Variants in MYRIP observed in about 807,000 individuals in gnomAD.
The protein encoded by MYRIP is myosin VIIA and Rab interacting protein, also known as rab effector MyRIP.
A neutral mutation model predicts 98.0 loss-of-function variants in MYRIP; 49 were observed. That is an observed-to-expected ratio of 0.50 (90% CI 0.40 to 0.63). MYRIP has a LOEUF of 0.63. Ranked by LOEUF, MYRIP falls within the 30% of genes least tolerant of loss-of-function variation. The probability of loss-of-function intolerance (pLI) is 0.00; values close to 1 mark genes in which losing one functional copy is unlikely to be tolerated. For synonymous variants in MYRIP, 404 were observed against 409.5 expected (o/e 0.99, Z 0.16); for missense variants, 1,004 against 1,058.2 (o/e 0.95, Z 0.71).
intron 3 of MYRIP, among the ~76,000 whole-genome samples, chr3:40,102,413 T>C (rs2125893121): frequency 6.6e-6 from 1 of 152,306 alleles, no homozygotes; most frequent in South Asian, 2.1e-4. Context: ...CTCCAGGGTG[T>C]TGAGTCATTT....
intron 1 of MYRIP, among the ~76,000 whole-genome samples, chr3:39,898,145 T>C (rs1041503330): frequency 1.1e-4 from 17 of 152,198 alleles, no homozygotes; most frequent in African/African-American, 3.1e-4. Flanking sequence ...ATGTTACTTC[T>C]AATTGACTTA....
At chr3:40,250,389 AAT>A in intron 14 of MYRIP, 48 bp from the exon 15 acceptor site, 1 of 1,612,702 alleles carries the variant, frequency 6.2e-7, no homozygotes, top group Admixed American at 1.7e-5. Flanking sequence ...TAGAAGACAA[AAT>A]ATCTTTGGCT....
intron 3 of MYRIP, among the ~76,000 whole-genome samples, chr3:40,134,417 C>A (rs936753590): frequency 6.6e-6 from 1 of 152,240 alleles, no homozygotes; most frequent in African/African-American, 2.4e-5. Context: ...CACCACAGCT[C>A]AAAGAGGCCT....
intron 3 of MYRIP, among the ~76,000 whole-genome samples, chr3:40,094,691 C>T (rs1180411147): frequency 6.6e-6 from 1 of 152,136 alleles, no homozygotes; most frequent in Non-Finnish European, 1.5e-5. Context: ...CTATGGATTA[C>T]CAGTGACAGA....
At chr3:40,164,227 A>G (rs929206587) in intron 5 of MYRIP, among the ~76,000 whole-genome samples, 2 of 152,036 alleles carry the variant, frequency 1.3e-5, no homozygotes, top group African/African-American at 2.4e-5. Context: ...CACAGCCCAT[A>G]TCCTGCATAC....
chr3:39,875,181 GGT>G (rs1477243293), intron 1 of MYRIP, among the ~76,000 whole-genome samples: 2 of 152,098 alleles, frequency 1.3e-5, no homozygotes, highest in African/African-American at 4.8e-5. Context: ...TGGGATCAGT[GGT>G]GATAGGCCTT....
At chr3:40,048,834 AGAAT>A (rs1427159547) in intron 3 of MYRIP, among the ~76,000 whole-genome samples, 2 of 152,204 alleles carry the variant, frequency 1.3e-5, no homozygotes, top group African/African-American at 4.8e-5. Context: ...AATGTATTAT[AGAAT>A]GAATGATGAA....
intron 3 of MYRIP, among the ~76,000 whole-genome samples, chr3:40,133,834 C>G (rs1195807357): frequency 6.6e-6 from 1 of 152,228 alleles, no homozygotes; most frequent in Non-Finnish European, 1.5e-5. Context: ...AGACACCCAT[C>G]TATAAGTCAT....
intron 1 of MYRIP, among the ~76,000 whole-genome samples, chr3:39,870,211 C>T (rs1334815112): frequency 6.6e-6 from 1 of 152,182 alleles, no homozygotes; most frequent in Non-Finnish European, 1.5e-5. Context: ...ATCTCTTTAG[C>T]TAATGACGGT....
At chr3:39,945,768 A>T (rs1944887305) in intron 2 of MYRIP, among the ~76,000 whole-genome samples, 1 of 152,136 alleles carries the variant, frequency 6.6e-6, no homozygotes, top group South Asian at 2.1e-4. Context: ...ATTTGTGTTA[A>T]TTTTTAAAAA....
intron 2 of MYRIP, among the ~76,000 whole-genome samples, chr3:39,993,731 C>CT (rs1278725468): frequency 6.6e-6 from 1 of 152,204 alleles, no homozygotes; most frequent in East Asian, 1.9e-4. Context: ...TGTCTTCCCC[C>CT]TTCGAAGCAG....
intron 2 of MYRIP, among the ~76,000 whole-genome samples, chr3:40,011,105 C>T (rs1057367862): frequency 3.9e-5 from 6 of 152,080 alleles, no homozygotes; most frequent in African/African-American, 1.2e-4. Context: ...AACTAGAGCT[C>T]GAACCAGCAT....
At chr3:40,218,634 A>ATTT (rs1158783365) in intron 11 of MYRIP, among the ~76,000 whole-genome samples, 1 of 75,650 alleles carries the variant, frequency 1.3e-5, no homozygotes, top group African/African-American at 4.1e-5. Flanking sequence ...ATATATATAT[A>ATTT]TATATATATA....
chr3:40,085,832 T>C lies in MYRIP; in HGVS notation c.332+41561T>C, dbSNP rs371307844. Among the ~76,000 whole-genome samples, 3 of 152,328 alleles carry C rather than the reference T, an allele frequency of 2.0e-5. No individual in the cohort carries two copies. The East Asian group carries it at 5.8e-4, about 29-fold the overall frequency. On this transcript the variant is annotated intron_variant, in intron 3 of 16. Coordinates refer to ENST00000302541, the MANE Select transcript of MYRIP (RefSeq NM_015460.4). The stretch of plus-strand genomic sequence containing the variant: ...CTCTCCTCATGAGTTTTATAAATCA[T>C]ATTTGGTAACCGAAACAAAAATTAT...
intron 3 of MYRIP, among the ~76,000 whole-genome samples, chr3:40,062,763 T>C (rs1179554751): frequency 2.0e-5 from 3 of 152,234 alleles, no homozygotes; most frequent in Non-Finnish European, 1.5e-5. Context: ...TGACTTGGCC[T>C]TGTGTGAAAA....
At chr3:39,943,156 T>G (rs1262849152) in intron 2 of MYRIP, among the ~76,000 whole-genome samples, 1 of 152,144 alleles carries the variant, frequency 6.6e-6, no homozygotes, top group Non-Finnish European at 1.5e-5. Context: ...TCTACAAATT[T>G]TCTCTTTCTG....
intron 4 of MYRIP, among the ~76,000 whole-genome samples, chr3:40,156,619 C>A (rs1424875920): frequency 7.9e-5 from 12 of 151,420 alleles, no homozygotes; most frequent in Non-Finnish European, 1.8e-4. Context: ...TTCTTCCTAC[C>A]CATGAGCATG....
intron 16 of MYRIP, among the ~76,000 whole-genome samples, chr3:40,252,779 A>C (rs1953417363): frequency 6.6e-6 from 1 of 152,168 alleles, no homozygotes; most frequent in East Asian, 1.9e-4. Context: ...GTTCAGCTTT[A>C]AACTTACCCA....
At chr3:39,943,781 T>C (rs750515954) in intron 2 of MYRIP, among the ~76,000 whole-genome samples, 12 of 152,194 alleles carry the variant, frequency 7.9e-5, no homozygotes, top group Non-Finnish European at 1.3e-4. Flanking sequence ...AAGAGTTCAC[T>C]AGCTTTCCGC....
Sources: gnomAD v4.1 joint callset for allele counts (sites outside exome capture counted in the v4.1 genomes callset) on GRCh38, gnomAD v4.1.1 for gene constraint, MANE v1.5 for transcripts, NCBI Gene and HGNC (gene_info 2026-07-23, HGNC 2026-07-21) for gene names.